Variants in RASGRF2 observed in about 807,000 individuals in gnomAD.
The protein encoded by RASGRF2 is ras-specific guanine nucleotide-releasing factor 2.
In RASGRF2, 76 loss-of-function variants were observed where a neutral mutation model predicts 151.0. That is an observed-to-expected ratio of 0.50 (90% CI 0.42 to 0.61). The LOEUF is 0.61. Ranked by LOEUF, RASGRF2 falls within the 20% of genes least tolerant of loss-of-function variation. The pLI is 0.00. For synonymous variants in RASGRF2, 504 were observed against 566.5 expected (o/e 0.89, Z 1.57); for missense variants, 1,148 against 1,564.6 (o/e 0.73, Z 4.49).
rs377743564 is a variant in RASGRF2, at chr5:81,041,287, G to A, written c.289-1590G>A. On this transcript the variant is annotated intron_variant, in intron 1 of 26. Coordinates refer to ENST00000265080, the MANE Select transcript of RASGRF2 (RefSeq NM_006909.3). ...ACTGCACTCCAGCCTGGGAGACAGAGCAAGACTCCGTCTCAAAAAAAAAAA... is the reference window on the plus strand; with the variant it reads ...ACTGCACTCCAGCCTGGGAGACAGAACAAGACTCCGTCTCAAAAAAAAAAA... Among the ~76,000 whole-genome samples the A allele has an allele frequency of 7.4e-5, 10 of 134,920 alleles. No homozygotes were observed. The East Asian group carries it at 1.7e-3, about 22-fold the overall frequency. 88.5% of individuals were successfully genotyped at this position (134,920 alleles called of 152,430 possible). A position where few individuals can be genotyped will look rare whatever the true frequency, so the allele number is the denominator to read the frequency against.
intron 15 of RASGRF2, among the ~76,000 whole-genome samples, chr5:81,116,754 G>C (rs891429131): frequency 2.6e-5 from 4 of 152,102 alleles, no homozygotes; most frequent in Non-Finnish European, 4.4e-5. Flanking sequence ...ACTGCTTTAA[G>C]TTTAAGTACC....
chr5:81,145,587 C>G (rs1029393476), intron 17 of RASGRF2, among the ~76,000 whole-genome samples: 3 of 152,220 alleles, frequency 2.0e-5, no homozygotes, highest in Non-Finnish European at 4.4e-5. Flanking sequence ...TGGTCAATCT[C>G]TCTCTTGGAT....
intron 17 of RASGRF2, among the ~76,000 whole-genome samples, chr5:81,177,149 G>C (rs1413349837): frequency 6.6e-6 from 1 of 152,140 alleles, no homozygotes; most frequent in Admixed American, 6.5e-5. Context: ...CTGCTTTTCA[G>C]ATCCCTCTGT....
chr5:81,068,293 C>A, intron 3 of RASGRF2, 114 bp downstream of exon 3: 1 of 1,231,738 alleles, frequency 8.1e-7, no homozygotes, highest in Non-Finnish European at 1.1e-6. Flanking sequence ...CTTCCTCTGA[C>A]ATCAACACAT....
chr5:80,983,459 C>T (rs1211368224), intron 1 of RASGRF2, among the ~76,000 whole-genome samples: 1 of 152,258 alleles, frequency 6.6e-6, no homozygotes, highest in Non-Finnish European at 1.5e-5. Context: ...GCTCTTCATC[C>T]TGAGGATGTC....
At position 81,080,405 on chromosome 5, in the gene RASGRF2, A is replaced by T. The variant is rs544731874; in HGVS notation, c.968-191A>T. ...TTTTGATTCTTTCCCCTGGCCTGTC[A>T]TAGTTAATTTGGGGCTGGAGTCAAG... On this transcript the variant is annotated intron_variant, in intron 6 of 26. Coordinates refer to ENST00000265080, the MANE Select transcript of RASGRF2 (RefSeq NM_006909.3). 1.3e-3 allele frequency among the ~76,000 whole-genome samples: 199 copies of T among 152,140 alleles called. 1 individual carries two copies. The highest frequency in any genetic ancestry group is 4.6e-3 in the African/African-American group (189 of 41,484).
chr5:80,973,336 T>A (rs1748001547), intron 1 of RASGRF2, among the ~76,000 whole-genome samples: 1 of 152,216 alleles, frequency 6.6e-6, no homozygotes, highest in African/African-American at 2.4e-5. Context: ...AGTCATGATG[T>A]TCTTCCCTCC....
chr5:80,982,852 G>T (rs1044930988), intron 1 of RASGRF2, among the ~76,000 whole-genome samples: 131 of 152,052 alleles, frequency 8.6e-4, no homozygotes, highest in African/African-American at 3.1e-3. Context: ...TGCCCGCCTG[G>T]GCCTCCCAAA....
chr5:81,187,307 A>G (rs918292742), intron 18 of RASGRF2, among the ~76,000 whole-genome samples: 10 of 152,218 alleles, frequency 6.6e-5, no homozygotes, highest in Non-Finnish European at 1.3e-4. Flanking sequence ...TTTTAATGTT[A>G]TTGAATGGAA....
chr5:80,996,821 AACTCCTGGCCTCAAGTGATCC>A (rs1561545129), intron 1 of RASGRF2, among the ~76,000 whole-genome samples: 1 of 151,286 alleles, frequency 6.6e-6, no homozygotes, highest in Non-Finnish European at 1.5e-5. Flanking sequence ...GCTGGTCTCA[AACTCCTGGCCTCAAGTGATCC>A]ACCTGCCTCA....
At chr5:81,053,308 A>G (rs2112418212) in intron 2 of RASGRF2, among the ~76,000 whole-genome samples, 1 of 114,862 alleles carries the variant, frequency 8.7e-6, no homozygotes, top group East Asian at 2.8e-4. Flanking sequence ...CCAGTGTGTG[A>G]TGTCCCCCTT....
At chr5:81,167,938 A>G (rs1754550983) in intron 17 of RASGRF2, among the ~76,000 whole-genome samples, 1 of 152,186 alleles carries the variant, frequency 6.6e-6, no homozygotes, top group Non-Finnish European at 1.5e-5. Flanking sequence ...TAGTAAAGTC[A>G]TGTTCCTACA....
chr5:80,969,740 T>C (rs111302975), intron 1 of RASGRF2, among the ~76,000 whole-genome samples: 5 of 147,950 alleles, frequency 3.4e-5, no homozygotes, highest in East Asian at 2.1e-4. Context: ...CGTGAGCCAC[T>C]GCGCCTGGCT....
intron 4 of RASGRF2, among the ~76,000 whole-genome samples, chr5:81,071,071 A>G (rs1284471655): frequency 6.6e-6 from 1 of 152,126 alleles, no homozygotes; most frequent in East Asian, 1.9e-4. Context: ...ACTGCCATTT[A>G]TAATTGCACA....
chr5:81,131,823 G>A (rs901585372), intron 17 of RASGRF2, among the ~76,000 whole-genome samples: 9 of 152,120 alleles, frequency 5.9e-5, no homozygotes, highest in African/African-American at 2.2e-4. Flanking sequence ...TCGAGATTCG[G>A]ATTTTATGCT....
At chr5:81,212,777 G>A (rs1755654422) in intron 23 of RASGRF2, among the ~76,000 whole-genome samples, 1 of 152,148 alleles carries the variant, frequency 6.6e-6, no homozygotes, top group South Asian at 2.1e-4. Context: ...CATTTTGGGG[G>A]ACAGCCACAA....
At chr5:81,070,314 C>G in intron 3 of RASGRF2, 178 bp from the exon 4 acceptor site, 1 of 562,846 alleles carries the variant, frequency 1.8e-6, no homozygotes, top group Non-Finnish European at 3.2e-6. Context: ...TTGGTGATAC[C>G]ATGCTTGGGG....
chr5:81,149,336 A>T (rs910501136), intron 17 of RASGRF2, among the ~76,000 whole-genome samples: 1 of 152,228 alleles, frequency 6.6e-6, no homozygotes, highest in South Asian at 2.1e-4. Flanking sequence ...AGTAACTTGG[A>T]TGGAGTTGGA....
Position 81,217,206 on chromosome 5 carries a change from C to T in RASGRF2, c.3435-150C>T, listed in dbSNP as rs142510330. On this transcript the variant is annotated intron_variant, in intron 24 of 26. Coordinates refer to ENST00000265080, the MANE Select transcript of RASGRF2 (RefSeq NM_006909.3). ...ACTGTGAAATGTGTTTAAAATTCTG[C>T]GTATTATGAATATGCTTCTGAAACT... 1.1e-5 allele frequency: 13 copies of T among 1,148,878 alleles called. 1 individual carries two copies. The highest frequency in any genetic ancestry group is 9.3e-5 in the South Asian group (5 of 53,784). 71.2% of individuals were successfully genotyped at this position (1,148,878 alleles called of 1,614,324 possible). A position where few individuals can be genotyped will look rare whatever the true frequency, so the allele number is the denominator to read the frequency against.
Sources: allele counts gnomAD v4.1 joint callset (sites outside exome capture counted in the v4.1 genomes callset), GRCh38; gene constraint gnomAD v4.1.1; transcripts MANE v1.5; gene names NCBI Gene and HGNC (gene_info 2026-07-23, HGNC 2026-07-21).